LHX6: variants seen among roughly 807,000 people sequenced by gnomAD.
LHX6 encodes LIM homeobox 6, also known as LIM/homeobox protein Lhx6.
A neutral mutation model predicts 47.1 loss-of-function variants in LHX6; 15 were observed. The ratio of observed to expected loss-of-function variants is 0.32; its 90% confidence interval spans 0.21 to 0.49. The LOEUF (loss-of-function observed/expected upper bound fraction) is 0.49, where lower values mean the gene tolerates loss of function less well. LHX6 is among the 20% of genes least tolerant of loss of function. The probability of loss-of-function intolerance (pLI) is 0.99; values close to 1 mark genes in which losing one functional copy is unlikely to be tolerated. For missense variants in LHX6, 404 were observed against 539.6 expected, an observed-to-expected ratio of 0.75 and a Z score of 2.49; for synonymous variants, 242 against 233.5, an observed-to-expected ratio of 1.04 and a Z score of -0.33.
rs969940654 is a variant in LHX6, at chr9:122,203,549, C to T, written c.*1211G>A. 4 of 152,576 alleles carry T rather than the reference C, an allele frequency of 2.6e-5. No homozygotes were observed. Among genetic ancestry groups the T allele is most frequent in the Admixed American group, 6.5e-5 (1 of 15,276 alleles). 9.5% of individuals were successfully genotyped at this position (152,576 alleles called of 1,614,324 possible). ...ATCCCCTGAAAACATAAATCATGGTCGTGTGTAGCCTGAGCCCTTTTGTTT... is the reference window on the plus strand; with the variant it reads ...ATCCCCTGAAAACATAAATCATGGTTGTGTGTAGCCTGAGCCCTTTTGTTT... On this transcript the variant is annotated 3_prime_UTR_variant, in exon 10 of 10. Transcript: ENST00000394319.
At position 122,217,343 on chromosome 9, in the gene LHX6, C is replaced by T; in HGVS notation, c.462-55G>A. The T allele has an allele frequency of 1.4e-6, 2 of 1,443,650 alleles. No individual in the cohort carries two copies. Among genetic ancestry groups the T allele is most frequent in the South Asian group, 1.3e-5 (1 of 79,350 alleles). The allele number at this position is 1,443,650 out of a possible 1,614,324, so 89.4% of individuals were successfully genotyped here. A position where few individuals can be genotyped will look rare whatever the true frequency, so the allele number is the denominator to read the frequency against. On this transcript the variant is annotated intron_variant, in intron 4 of 9. Coordinates refer to ENST00000394319, the MANE Select transcript of LHX6 (RefSeq NM_014368.5). This position sits in a 1 kb window ranked among gnomAD's most constrained non-coding sequence, Gnocchi z 4.9. ...TCGAGACTCAGACAGGCCAACCTTC[C>T]TCCTTCCACCACCCAATGGCCCGCC...
chr9:122,228,342 A>ACAACCCCCGGCG (rs911890348), intron 1 of LHX6: 74 of 1,533,244 alleles, frequency 4.8e-5, no homozygotes, highest in Admixed American at 7.9e-5. Flanking sequence ...CTGCGCCGGC[A>ACAACCCCCGGCG]CAACCCCCGG....
At position 122,213,657 on chromosome 9, in the gene LHX6, A is replaced by G; in HGVS notation, c.1003T>C (p.Phe335Leu). The part of the protein sequence containing the change: ...ALSDDIHYTP[F>L]SSPERARMVT... ...ATGCGCGCCCGCTCGGGGCTGCTGA[A>G]CGGGGTGTAGTGGATGTCGTCGGAC... Residue 335 changes from phenylalanine to leucine, a missense_variant, in exon 8 of 10, where the codon TTC becomes CTC. Transcript: ENST00000394319. This position sits in a 1 kb window ranked among gnomAD's most constrained non-coding sequence, Gnocchi z 5.5. 1 of 1,611,154 alleles carries G rather than the reference A, an allele frequency of 6.2e-7. No individual in the cohort carries two copies. Among genetic ancestry groups the G allele is most frequent in the Non-Finnish European group, 8.5e-7 (1 of 1,179,010 alleles).
In LHX6 at chr9:122,210,295, AAT is replaced by A. The variant is rs763692683; in HGVS notation, c.1055-580_1055-579del. ...GCTCACTGATAAACACTCCTAAATA[AAT>A]ATGTGTTTTCATATTCATGCGCATG... On this transcript the variant is annotated intron_variant, in intron 8 of 9. Coordinates refer to ENST00000394319, the MANE Select transcript of LHX6 (RefSeq NM_014368.5). 1.2e-3 allele frequency among the ~76,000 whole-genome samples: 186 copies of A among 152,180 alleles called. 1 individual carries two copies. The highest frequency in any genetic ancestry group is 3.2e-3 in the Middle Eastern group (1 of 316).
At chr9:122,222,748 G>C (rs573722512) in intron 4 of LHX6, among the ~76,000 whole-genome samples, 6 of 152,276 alleles carry the variant, frequency 3.9e-5, no homozygotes, top group African/African-American at 1.4e-4. Context: ...TGTCAAGGAG[G>C]GACAAGGTGG....
chr9:122,224,721 A>G (rs1588361863), intron 4 of LHX6, among the ~76,000 whole-genome samples: 1 of 152,152 alleles, frequency 6.6e-6, no homozygotes, highest in African/African-American at 2.4e-5. Flanking sequence ...ACACACATGC[A>G]CACACACAGT....
At chr9:122,218,071 C>A (rs1036625154) in intron 4 of LHX6, among the ~76,000 whole-genome samples, 4 of 152,142 alleles carry the variant, frequency 2.6e-5, no homozygotes, top group African/African-American at 9.7e-5. Context: ...TGTCTTCTTG[C>A]CCCTCAAGCC....
At chr9:122,212,017 C>T (rs916917384) in intron 8 of LHX6, among the ~76,000 whole-genome samples, 5 of 151,696 alleles carry the variant, frequency 3.3e-5, no homozygotes, top group Non-Finnish European at 5.9e-5. Context: ...TTCCAACTGG[C>T]AGCCTGGTGC....
At chr9:122,218,447 G>C (rs1246053899) in intron 4 of LHX6, among the ~76,000 whole-genome samples, 9 of 152,054 alleles carry the variant, frequency 5.9e-5, no homozygotes, top group Non-Finnish European at 1.3e-4. Flanking sequence ...TGTTTCCCAA[G>C]TATCTCTGGG....
chr9:122,226,316 C>T lies in LHX6; in HGVS notation c.461+60G>A, dbSNP rs2118914947. 6.4e-7 allele frequency: 1 copy of T among 1,557,854 alleles called. No homozygotes were observed. The highest frequency in any genetic ancestry group is 2.3e-5 in the East Asian group (1 of 43,996). ...AGAGACCACACGCCGCAAAAGTGGC[C>T]TCCGAATGCGCCCGGGGCCTGCCCT... On this transcript the variant is annotated intron_variant, in intron 4 of 9. Coordinates refer to ENST00000394319, the MANE Select transcript of LHX6 (RefSeq NM_014368.5). The surrounding 1 kb of genome is among the most constrained non-coding windows in gnomAD (Gnocchi z 6.5).
At chr9:122,211,461 T>G (rs757777010) in intron 8 of LHX6, among the ~76,000 whole-genome samples, 1 of 152,242 alleles carries the variant, frequency 6.6e-6, no homozygotes, top group African/African-American at 2.4e-5. Flanking sequence ...TGACTTTAGT[T>G]AACCGCAGAG....
Position 122,217,341 on chromosome 9 carries a change from T to C in LHX6, c.462-53A>G. 1.4e-6 allele frequency: 2 copies of C among 1,469,400 alleles called. No individual in the cohort carries two copies. The highest frequency in any genetic ancestry group is 1.8e-6 in the Non-Finnish European group (2 of 1,084,476). The allele number at this position is 1,469,400 out of a possible 1,614,324, so 91.0% of individuals were successfully genotyped here. A position where few individuals can be genotyped will look rare whatever the true frequency, so the allele number is the denominator to read the frequency against. On this transcript the variant is annotated intron_variant, in intron 4 of 9. Coordinates refer to ENST00000394319, the MANE Select transcript of LHX6 (RefSeq NM_014368.5). This position sits in a 1 kb window ranked among gnomAD's most constrained non-coding sequence, Gnocchi z 4.9. Reference sequence around the variant, plus strand: ...TGTCGAGACTCAGACAGGCCAACCTTCCTCCTTCCACCACCCAATGGCCCG... The same window carrying C: ...TGTCGAGACTCAGACAGGCCAACCTCCCTCCTTCCACCACCCAATGGCCCG...
intron 4 of LHX6, among the ~76,000 whole-genome samples, chr9:122,225,197 G>GAC (rs1831042533): frequency 6.6e-6 from 1 of 152,232 alleles, no homozygotes; most frequent in Non-Finnish European, 1.5e-5. Context: ...CTGAAGCCAT[G>GAC]ACGTCTTCCT....
At chr9:122,219,910 T>G (rs1830768632) in intron 4 of LHX6, among the ~76,000 whole-genome samples, 1 of 152,148 alleles carries the variant, frequency 6.6e-6, no homozygotes, top group African/African-American at 2.4e-5. Flanking sequence ...GGCCGCTGAT[T>G]CTGGAATCTC....
At position 122,214,212 on chromosome 9, in the gene LHX6, A is replaced by T; in HGVS notation, c.783+71T>A. On this transcript the variant is annotated intron_variant, in intron 6 of 9. Transcript: ENST00000394319. The surrounding 1 kb of genome is among the most constrained non-coding windows in gnomAD (Gnocchi z 4.6). ...CGGGTCCGGCCCGAGGGGCGGAGCC[A>T]GGAGACATTGTCGGCCCCGCCCACT... 6 of 808,444 alleles carry T rather than the reference A, an allele frequency of 7.4e-6. No homozygotes were observed. The highest frequency in any genetic ancestry group is 1.1e-5 in the Non-Finnish European group (6 of 553,966). 50.1% of individuals were successfully genotyped at this position (808,444 alleles called of 1,614,324 possible).
At chr9:122,222,436 T>C (rs1212417406) in intron 4 of LHX6, among the ~76,000 whole-genome samples, 1 of 152,128 alleles carries the variant, frequency 6.6e-6, no homozygotes, top group Non-Finnish European at 1.5e-5. Context: ...GCTGGGAATC[T>C]CAGGGAGTAA....
intron 4 of LHX6, among the ~76,000 whole-genome samples, chr9:122,219,031 C>T (rs899168141): frequency 6.6e-6 from 1 of 152,192 alleles, no homozygotes; most frequent in South Asian, 2.1e-4. Context: ...TTTGCCTCTG[C>T]GTCCCCAGGG....
At position 122,221,492 on chromosome 9, in the gene LHX6, G is replaced by A. The variant is rs980444484; in HGVS notation, c.462-4204C>T. 5.9e-5 allele frequency: 58 copies of A among 985,662 alleles called. No individual in the cohort carries two copies. In the African/African-American group the frequency reaches 7.5e-4, roughly 13 times the overall value. 61.1% of individuals were successfully genotyped at this position (985,662 alleles called of 1,614,324 possible). On this transcript the variant is annotated intron_variant, in intron 4 of 9. Transcript: ENST00000394319. ...GGCTCAAGGCGGAGGGCCAGAGAAG[G>A]CTAGGGGCTTGCATGAAGTCGTTTG...
Position 122,226,414 on chromosome 9 carries a change from G to A in LHX6, c.423C>T (p.Ile141=), listed in dbSNP as rs746238566. ...TSLRQQNSCY[I]KNKEIFCKMD... ...TCTTGCAGAAGATCTCCTTGTTCTTGATGTAGCAGCTGTTCTGCTGCCTCA... is the reference window on the plus strand; with the variant it reads ...TCTTGCAGAAGATCTCCTTGTTCTTAATGTAGCAGCTGTTCTGCTGCCTCA... The change falls in exon 4 of 10, where the codon ATC becomes ATT. Residue 141 remains isoleucine, a synonymous_variant. Coordinates refer to ENST00000394319, the MANE Select transcript of LHX6 (RefSeq NM_014368.5). This position sits in a 1 kb window ranked among gnomAD's most constrained non-coding sequence, Gnocchi z 6.5. 4.3e-6 allele frequency: 7 copies of A among 1,613,808 alleles called. No homozygotes were observed. The East Asian group carries it at 1.3e-4, about 31-fold the overall frequency.
Sources: allele counts gnomAD v4.1 joint callset (sites outside exome capture counted in the v4.1 genomes callset), GRCh38; gene constraint gnomAD v4.1.1; non-coding constraint Gnocchi (gnomAD v3.1); transcripts MANE v1.5; gene names NCBI Gene and HGNC (gene_info 2026-07-23, HGNC 2026-07-21).